FAM120B: variants seen among roughly 807,000 people sequenced by gnomAD.
The protein encoded by FAM120B is constitutive coactivator of peroxisome proliferator-activated receptor gamma.
FAM120B carries 83 observed loss-of-function variants against 96.3 expected under a neutral mutation model. That is an observed-to-expected ratio of 0.86 (90% CI 0.72 to 1.03). The LOEUF is 1.03. FAM120B is among the 50% of genes least tolerant of loss of function. The pLI is 0.00. For missense variants in FAM120B, 1,027 were observed against 1,121.2 expected (o/e 0.92, Z 1.20); for synonymous variants, 407 against 402.7 (o/e 1.01, Z -0.13).
At position 170,348,158 on chromosome 6, in the gene FAM120B, G is replaced by A. The variant is rs146520622; in HGVS notation, c.2025G>A (p.Thr675=). Residue 675 remains threonine (T), a synonymous_variant, in exon 5 of 11, where the codon ACG becomes ACA. Transcript: ENST00000476287. ...ACTTTTTTTCTTAACTAGGGGGAAC[G>A]CCTAGTTTGAAAATATTATGGCTGA... is the stretch of plus-strand genomic sequence containing the variant. ...RPLQMTIPGG[T]PSLKILWLNQ... The A allele has an allele frequency of 6.3e-5, 102 of 1,612,936 alleles. No individual in the cohort carries two copies. The highest frequency in any genetic ancestry group is 7.8e-5 in the Non-Finnish European group (92 of 1,179,406).
upstream of FAM120B, chr6:170,291,178 C>A: frequency 1.5e-6 from 1 of 661,654 alleles, no homozygotes; most frequent in Non-Finnish European, 2.8e-6. Flanking sequence ...TCCCTCACCA[C>A]ACAAAACGCA....
At chr6:170,360,795 G>A (rs1419201202) in intron 6 of FAM120B, among the ~76,000 whole-genome samples, 1 of 152,142 alleles carries the variant, frequency 6.6e-6, no homozygotes, top group Non-Finnish European at 1.5e-5. Flanking sequence ...AGAACAGAAA[G>A]TGAGTTTCGT....
intron 8 of FAM120B, among the ~76,000 whole-genome samples, chr6:170,395,107 C>T (rs976384035): frequency 1.3e-5 from 2 of 152,110 alleles, no homozygotes; most frequent in Non-Finnish European, 2.9e-5. Flanking sequence ...CTCACAAGTC[C>T]CAGAAGTGCT....
chr6:170,378,427 C>T (rs1472115997), intron 6 of FAM120B, among the ~76,000 whole-genome samples: 1 of 152,196 alleles, frequency 6.6e-6, no homozygotes, highest in Non-Finnish European at 1.5e-5. Context: ...TCACCATCAC[C>T]CCTCCCTGAG....
intron 2 of FAM120B, among the ~76,000 whole-genome samples, chr6:170,322,638 T>G (rs113912169): frequency 6.6e-6 from 1 of 152,128 alleles, no homozygotes; most frequent in Non-Finnish European, 1.5e-5. Flanking sequence ...TCAAATGTTA[T>G]GGTGAAGGAT....
chr6:170,315,655 A>G (rs1375658958), intron 1 of FAM120B, among the ~76,000 whole-genome samples: 5 of 152,234 alleles, frequency 3.3e-5, no homozygotes, highest in Non-Finnish European at 5.9e-5. Flanking sequence ...TCTAAATGTC[A>G]TCATAAAATG....
At chr6:170,321,271 A>AG (rs954883468) in intron 2 of FAM120B, among the ~76,000 whole-genome samples, 3 of 152,264 alleles carry the variant, frequency 2.0e-5, no homozygotes, top group African/African-American at 7.2e-5. Context: ...AACCATACAT[A>AG]GTCACCCTGG....
At chr6:170,368,721 C>T (rs567240607) in intron 6 of FAM120B, among the ~76,000 whole-genome samples, 9 of 147,892 alleles carry the variant, frequency 6.1e-5, no homozygotes, top group African/African-American at 1.5e-4. Flanking sequence ...CAAAACACCA[C>T]GGACTGGGTG....
At chr6:170,337,697 G>A (rs1218935407) in intron 4 of FAM120B, among the ~76,000 whole-genome samples, 1 of 151,970 alleles carries the variant, frequency 6.6e-6, no homozygotes, top group African/African-American at 2.4e-5. Context: ...TAATTATTGT[G>A]TCAATTTCAG....
intron 6 of FAM120B, among the ~76,000 whole-genome samples, chr6:170,377,868 C>T (rs201504883): frequency 1.0e-4 from 5 of 49,548 alleles, no homozygotes; most frequent in African/African-American, 4.8e-4. Context: ...GGGAGAGCAC[C>T]GGCTCACGCT....
intron 3 of FAM120B, among the ~76,000 whole-genome samples, chr6:170,325,005 C>T (rs1420716558): frequency 6.6e-6 from 1 of 152,154 alleles, no homozygotes; most frequent in Non-Finnish European, 1.5e-5. Context: ...TCTTAGTTCC[C>T]AGGAGAAAAC....
intron 3 of FAM120B, among the ~76,000 whole-genome samples, chr6:170,324,226 A>G (rs780205059): frequency 6.6e-6 from 1 of 152,152 alleles, no homozygotes; most frequent in Non-Finnish European, 1.5e-5. Flanking sequence ...TTATTTTTGG[A>G]TGATGGGGCT....
At chr6:170,392,540 GT>G (rs1790532488) in intron 8 of FAM120B, among the ~76,000 whole-genome samples, 1 of 152,172 alleles carries the variant, frequency 6.6e-6, no homozygotes, top group Non-Finnish European at 1.5e-5. Flanking sequence ...TATCTTATTA[GT>G]TTATTTTGTT....
chr6:170,355,612 G>T (rs961785956), intron 5 of FAM120B, among the ~76,000 whole-genome samples: 4 of 152,084 alleles, frequency 2.6e-5, no homozygotes, highest in African/African-American at 7.2e-5. Context: ...ATCGCTAATG[G>T]ATGCTGGGCT....
chr6:170,383,605 A>G (rs1790036816), intron 6 of FAM120B, among the ~76,000 whole-genome samples: 1 of 152,244 alleles, frequency 6.6e-6, no homozygotes, highest in Non-Finnish European at 1.5e-5. Context: ...ATAGCACTAC[A>G]CACGGATTAG....
intron 6 of FAM120B, among the ~76,000 whole-genome samples, chr6:170,376,878 C>T (rs1288635213): frequency 1.3e-5 from 2 of 152,212 alleles, no homozygotes; most frequent in African/African-American, 2.4e-5. Flanking sequence ...TGCCTGTTTC[C>T]GTGTAGAGCA....
At chr6:170,357,250 C>T (rs1006266679) in intron 5 of FAM120B, among the ~76,000 whole-genome samples, 20 of 152,142 alleles carry the variant, frequency 1.3e-4, no homozygotes, top group Admixed American at 5.9e-4. Flanking sequence ...TCAGCGGGCA[C>T]GTCCTGCCTT....
chr6:170,346,411 CTGAAT>C (rs1262055555), intron 4 of FAM120B, among the ~76,000 whole-genome samples: 3 of 151,996 alleles, frequency 2.0e-5, no homozygotes, highest in African/African-American at 7.3e-5. Context: ...ACTTTCCTGT[CTGAAT>C]TGTAGTCAAA....
At chr6:170,299,461 C>T (rs1193484016) in intron 1 of FAM120B, among the ~76,000 whole-genome samples, 1 of 152,200 alleles carries the variant, frequency 6.6e-6, no homozygotes, top group Non-Finnish European at 1.5e-5. Context: ...TTGTATCAGT[C>T]TTATCAAAGA....
Sources: gnomAD v4.1 joint callset for allele counts (sites outside exome capture counted in the v4.1 genomes callset) on GRCh38, gnomAD v4.1.1 for gene constraint, MANE v1.5 for transcripts, NCBI Gene and HGNC (gene_info 2026-07-23, HGNC 2026-07-21) for gene names.